Variants in PIEZO2 observed in about 807,000 individuals in gnomAD.
PIEZO2 encodes piezo type mechanosensitive ion channel component 2.
PIEZO2 carries 172 observed loss-of-function variants against 337.3 expected under a neutral mutation model. The ratio of observed to expected loss-of-function variants is 0.51; its 90% confidence interval spans 0.45 to 0.58. The LOEUF is 0.58. PIEZO2 is among the 20% of genes least tolerant of loss of function. The pLI, the probability that PIEZO2 is intolerant of heterozygous loss-of-function variation, is 0.00. For missense variants in PIEZO2, 3,028 were observed against 3,391.3 expected, an observed-to-expected ratio of 0.89 and a Z score of 2.66; for synonymous variants, 1,251 against 1,228.5, an observed-to-expected ratio of 1.02 and a Z score of -0.38.
intron 7 of PIEZO2, among the ~76,000 whole-genome samples, chr18:10,844,265 C>T (rs547107267): frequency 7.3e-5 from 11 of 151,496 alleles, no homozygotes; most frequent in Non-Finnish European, 1.0e-4. Flanking sequence ...CCAAAAAATG[C>T]GAAAATTAGC....
chr18:10,785,099 T>C, intron 16 of PIEZO2, 142 bp from the exon 17 acceptor site: 2 of 880,148 alleles, frequency 2.3e-6, no homozygotes, highest in East Asian at 2.8e-5. Context: ...TGGTCCAATA[T>C]GGCTTTCGTT....
rs185385583 is a variant in PIEZO2, at chr18:10,913,334, G to A, written c.287-2106C>T. 3.2e-3 allele frequency among the ~76,000 whole-genome samples: 484 copies of A among 152,144 alleles called. 3 individuals are homozygous for A. Among genetic ancestry groups the A allele is most frequent in the African/African-American group, 9.9e-3 (413 of 41,530 alleles). ...TAGACTATGAGGTGGGAGAGATGAGGGTCTCCTACCAAAATGAGAACCAGA... is the reference window on the plus strand; with the variant it reads ...TAGACTATGAGGTGGGAGAGATGAGAGTCTCCTACCAAAATGAGAACCAGA... On this transcript the variant is annotated intron_variant, in intron 3 of 55. Coordinates refer to ENST00000674853, the MANE Select transcript of PIEZO2 (RefSeq NM_001378183.1).
At position 10,671,722 on chromosome 18, in the gene PIEZO2, G is replaced by A. The variant is rs1392038769; in HGVS notation, c.8403C>T (p.Phe2801=). 9.9e-6 allele frequency: 16 copies of A among 1,613,812 alleles called. No homozygotes were observed. The highest frequency in any genetic ancestry group is 1.3e-5 in the Non-Finnish European group (15 of 1,179,914). The part of the protein sequence containing the change: ...VLVIGKFVRE[F]FSGISHSIMF... ...TGATGGAGTGAGAAATCCCACTGAAGAATTCACGGACAAATTTCCCAATCA... is the reference window on the plus strand; with the variant it reads ...TGATGGAGTGAGAAATCCCACTGAAAAATTCACGGACAAATTTCCCAATCA... Residue 2801 remains phenylalanine, a synonymous_variant, in exon 56 of 56, where the codon TTC becomes TTT. Coordinates refer to ENST00000674853, the MANE Select transcript of PIEZO2 (RefSeq NM_001378183.1).
chr18:10,883,245 C>T (rs2042474670), intron 4 of PIEZO2, among the ~76,000 whole-genome samples: 1 of 152,060 alleles, frequency 6.6e-6, no homozygotes, highest in Non-Finnish European at 1.5e-5. Context: ...TAAATATCTC[C>T]TTGACACACA....
At chr18:10,684,227 G>A (rs1435651718) in intron 49 of PIEZO2, among the ~76,000 whole-genome samples, 5 of 117,336 alleles carry the variant, frequency 4.3e-5, no homozygotes, top group East Asian at 2.8e-4. Flanking sequence ...GTGCAGTGGC[G>A]CGATCTTGGC....
At chr18:10,924,767 T>A (rs1204629667) in intron 3 of PIEZO2, among the ~76,000 whole-genome samples, 31 of 152,160 alleles carry the variant, frequency 2.0e-4, no homozygotes, top group Non-Finnish European at 1.5e-5. Flanking sequence ...GGCGGAGGAT[T>A]TTTTCTTTTA....
intron 39 of PIEZO2, among the ~76,000 whole-genome samples, chr18:10,710,151 G>C (rs1036892473): frequency 6.6e-6 from 1 of 152,194 alleles, no homozygotes; most frequent in African/African-American, 2.4e-5. Flanking sequence ...CTTTGCTCAG[G>C]TTTTCTTCAT....
intron 2 of PIEZO2, among the ~76,000 whole-genome samples, chr18:11,026,896 G>A (rs1164599241): frequency 6.6e-6 from 1 of 152,232 alleles, no homozygotes; most frequent in Non-Finnish European, 1.5e-5. Context: ...AGAGGCAAGA[G>A]TGTGGGACTG....
chr18:11,084,502 T>TC (rs1453109679), intron 1 of PIEZO2, among the ~76,000 whole-genome samples: 4 of 152,060 alleles, frequency 2.6e-5, no homozygotes, highest in Non-Finnish European at 4.4e-5. Flanking sequence ...AATGCAAAGC[T>TC]CCAGCCCTCG....
At chr18:10,717,002 C>T (rs1359559466) in intron 37 of PIEZO2, among the ~76,000 whole-genome samples, 2 of 152,108 alleles carry the variant, frequency 1.3e-5, no homozygotes, top group Non-Finnish European at 2.9e-5. Flanking sequence ...AGTGAGGACT[C>T]GACTTTAACC....
At chr18:10,817,361 C>T (rs907358243) in intron 7 of PIEZO2, among the ~76,000 whole-genome samples, 3 of 152,112 alleles carry the variant, frequency 2.0e-5, no homozygotes. Context: ...GATTTGATCT[C>T]TTAAATATAA....
At chr18:11,030,481 G>A (rs753790770) in intron 2 of PIEZO2, among the ~76,000 whole-genome samples, 1 of 152,174 alleles carries the variant, frequency 6.6e-6, no homozygotes, top group African/African-American at 2.4e-5. Flanking sequence ...CCAAAGGAGT[G>A]ACTTGCCCAA....
At chr18:10,972,988 C>T (rs1428871240) in intron 3 of PIEZO2, among the ~76,000 whole-genome samples, 1 of 152,208 alleles carries the variant, frequency 6.6e-6, no homozygotes, top group Non-Finnish European at 1.5e-5. Flanking sequence ...CTGGGACTCA[C>T]TTTCCCCACC....
intron 21 of PIEZO2, among the ~76,000 whole-genome samples, chr18:10,765,048 A>G (rs2141262): frequency 0.058 from 8,862 of 152,270 alleles, 746 homozygotes; most frequent in African/African-American, 0.19. Context: ...TGAGTGATGG[A>G]GAAAGGGAAG....
chr18:10,752,357 G>A (rs2037681016), intron 28 of PIEZO2, among the ~76,000 whole-genome samples: 1 of 152,192 alleles, frequency 6.6e-6, no homozygotes, highest in Non-Finnish European at 1.5e-5. Context: ...CCTCAGAAGA[G>A]ACAGAATTTT....
At chr18:10,754,772 T>A (rs753973078) in intron 27 of PIEZO2, among the ~76,000 whole-genome samples, 2 of 152,170 alleles carry the variant, frequency 1.3e-5, no homozygotes, top group African/African-American at 2.4e-5. Flanking sequence ...ACTTCCTGAT[T>A]TACTCAGTTC....
intron 2 of PIEZO2, among the ~76,000 whole-genome samples, chr18:10,999,060 C>T (rs1292201669): frequency 6.6e-6 from 1 of 151,674 alleles, no homozygotes; most frequent in Non-Finnish European, 1.5e-5. Flanking sequence ...ATCCATGGTT[C>T]TTTGGAGTGT....
At chr18:10,722,373 G>A (rs1438910157) in intron 36 of PIEZO2, among the ~76,000 whole-genome samples, 2 of 151,852 alleles carry the variant, frequency 1.3e-5, no homozygotes, top group South Asian at 2.1e-4. Context: ...TGGGATTACA[G>A]GTGCGTGCCA....
At position 11,101,735 on chromosome 18, in the gene PIEZO2, TTA is replaced by T. The variant is rs1232743297; in HGVS notation, c.65-35515_65-35514del. On this transcript the variant is annotated intron_variant, in intron 1 of 55. Coordinates refer to ENST00000674853, the MANE Select transcript of PIEZO2 (RefSeq NM_001378183.1). This position sits in a 1 kb window ranked among gnomAD's most constrained non-coding sequence, Gnocchi z 4.4. ...TCGAGATGGTCATTTTTCTCTTAGG[TTA>T]TTGTTTTTTAAAAAATGCTAGATTG... 6.6e-6 allele frequency among the ~76,000 whole-genome samples: 1 copy of T among 152,176 alleles called. No individual in the cohort carries two copies. The highest frequency in any genetic ancestry group is 1.5e-5 in the Non-Finnish European group (1 of 68,036).
Sources: gnomAD v4.1 joint callset for allele counts (sites outside exome capture counted in the v4.1 genomes callset) on GRCh38, gnomAD v4.1.1 for gene constraint, Gnocchi (gnomAD v3.1) non-coding constraint, MANE v1.5 for transcripts, NCBI Gene and HGNC (gene_info 2026-07-23, HGNC 2026-07-21) for gene names.